The following TMPRSS3 variants were observed in gnomAD, a reference collection of about 807,000 sequenced individuals.
The protein encoded by TMPRSS3 is transmembrane serine protease 3.
TMPRSS3 carries 55 observed loss-of-function variants against 59.6 expected under a neutral mutation model. The ratio of observed to expected loss-of-function variants is 0.92; its 90% CI spans 0.74 to 1.16. The LOEUF (loss-of-function observed/expected upper bound fraction) is 1.16. Ranked by LOEUF, TMPRSS3 falls within the 50% of genes most tolerant of loss-of-function variation. TMPRSS3 has a pLI of 0.00. For missense variants in TMPRSS3, 596 were observed against 579.4 expected, an observed-to-expected ratio of 1.03 and a Z score of -0.29; for synonymous variants, 257 against 237.7, an observed-to-expected ratio of 1.08 and a Z score of -0.75.
rs761325889 is a variant in TMPRSS3 at position 42,375,780 on chromosome 21, A to G, written c.1280T>C (p.Val427Ala). Reference sequence around the variant, plus strand: ...ACGGGTGTACACCCCAGGCTTGTTCACCTCTGCGCAGCCGATGCCAAAGCT... The same window carrying G: ...ACGGGTGTACACCCCAGGCTTGTTCGCCTCTGCGCAGCCGATGCCAAAGCT... Reference protein sequence around the residue: ...ATSFGIGCAEVNKPGVYTRVT... With the variant: ...ATSFGIGCAEANKPGVYTRVT... The change falls in exon 12 of 13, where the codon GTG becomes GCG. Residue 427 changes from valine to alanine, a missense_variant. By Grantham distance (64) the Val-to-Ala change is moderately conservative (BLOSUM62 0). Transcript: ENST00000644384. 1 of 1,613,354 alleles carries G rather than the reference A, an allele frequency of 6.2e-7. No individual in the cohort carries two copies. The highest frequency in any genetic ancestry group is 1.3e-5 in the African/African-American group (1 of 74,886).
chr21:42,380,623 A>G (rs954623540), intron 9 of TMPRSS3, among the ~76,000 whole-genome samples: 7 of 152,252 alleles, frequency 4.6e-5, no homozygotes, highest in African/African-American at 7.2e-5. Context: ...GATGGGGCAG[A>G]CCAGGCTCTC....
At chr21:42,393,015 G>A (rs901600281) in intron 2 of TMPRSS3, among the ~76,000 whole-genome samples, 3 of 152,174 alleles carry the variant, frequency 2.0e-5, no homozygotes, top group Non-Finnish European at 4.4e-5. Flanking sequence ...TGCAAATGGC[G>A]CACAAGTATG....
Position 42,388,429 on chromosome 21 carries a change from A to G in TMPRSS3, c.420T>C (p.Val140=). Residue 140 remains valine, a synonymous_variant, in exon 5 of 13, where the codon GTT becomes GTC. Transcript: ENST00000644384. This position sits in a 1 kb window ranked among gnomAD's most constrained non-coding sequence, Gnocchi z 5.1. ...SDDWKGHYAN[V]ACAQLGFPSY... ...TTGGGAAACCCAGTTGGGCACAGGC[A>G]ACATTTGCGTAGTGACCCTTCCAGT... 1 of 1,614,254 alleles carries G rather than the reference A, an allele frequency of 6.2e-7. No homozygotes were observed. Among genetic ancestry groups the G allele is most frequent in the Non-Finnish European group, 8.5e-7 (1 of 1,180,046 alleles).
chr21:42,377,150 C>G (rs1339977937), intron 10 of TMPRSS3, among the ~76,000 whole-genome samples: 3 of 152,262 alleles, frequency 2.0e-5, no homozygotes, highest in African/African-American at 7.2e-5. Flanking sequence ...TCCCCAGAAC[C>G]TGTGACTGTG....
intron 10 of TMPRSS3, among the ~76,000 whole-genome samples, 192 bp from the exon 11 acceptor site, chr21:42,376,875 G>A (rs2052439661): frequency 6.6e-6 from 1 of 152,216 alleles, no homozygotes; most frequent in Non-Finnish European, 1.5e-5. Flanking sequence ...AGCACCTCAA[G>A]CCCGAGCTTG....
intron 6 of TMPRSS3, among the ~76,000 whole-genome samples, chr21:42,384,970 C>T (rs775201196): frequency 7.1e-6 from 1 of 140,466 alleles, no homozygotes; most frequent in African/African-American, 2.7e-5. Context: ...TAAAATACTT[C>T]GTAAACAAAG....
intron 6 of TMPRSS3, 115 bp downstream of exon 6, chr21:42,385,294 C>T: frequency 6.8e-7 from 1 of 1,467,958 alleles, no homozygotes; most frequent in South Asian, 1.1e-5. Context: ...CTCCCACCTT[C>T]CATCTGAGAT....
rs562415736 is a variant in TMPRSS3, at chr21:42,373,340, C to T, written c.1345-561G>A. Among the ~76,000 whole-genome samples, 9 of 152,344 alleles carry T rather than the reference C, an allele frequency of 5.9e-5. No homozygotes were observed. In the South Asian group the frequency reaches 1.9e-3, roughly 32 times the overall value. On this transcript the variant is annotated intron_variant, in intron 12 of 12. Transcript: ENST00000644384. ...GACTTGGGAAAGGGCGTGTCTGAGG[C>T]TGCGCATCTCTCGCATGCACTGGTG...
chr21:42,382,995 G>A, intron 8 of TMPRSS3, 38 bp downstream of exon 8: 7 of 1,612,886 alleles, frequency 4.3e-6, no homozygotes, highest in Non-Finnish European at 5.9e-6. Context: ...TGACCCAGGA[G>A]TGAACAGGGG....
In TMPRSS3 at chr21:42,388,963, C is replaced by T. The variant is rs769959543; in HGVS notation, c.288G>A (p.Ser96=). The change falls in exon 4 of 13, where the codon TCG becomes TCA. Residue 96 remains serine (S), a synonymous_variant. Coordinates refer to ENST00000644384, the MANE Select transcript of TMPRSS3 (RefSeq NM_001256317.3). This position sits in a 1 kb window ranked among gnomAD's most constrained non-coding sequence, Gnocchi z 5.1. ...ACTCGTCCTCCCCGTCTTTGCAATC[C>T]GAGACTCCGTCACATCGAGCTATCA... The part of the protein sequence containing the change: ...IELIARCDGV[S]DCKDGEDEYR... 5.6e-5 allele frequency: 90 copies of T among 1,614,076 alleles called. No homozygotes were observed. The highest frequency in any genetic ancestry group is 1.6e-4 in the Middle Eastern group (1 of 6,076).
chr21:42,382,146 C>A lies in TMPRSS3; in HGVS notation c.871G>T (p.Val291Phe). ...TTTGGCTTGTACTTGCTGTGGTAGA[C>A]AATCTTCTCCACCAAGTGGGATGGG... ...PAPSHLVEKI[V>F]YHSKYKPKRL... Residue 291 changes from valine to phenylalanine, a missense_variant, in exon 9 of 13, where the codon GTC becomes TTC. Transcript: ENST00000644384. The A allele has an allele frequency of 6.2e-7, 1 of 1,614,184 alleles. No homozygotes were observed. Among genetic ancestry groups the A allele is most frequent in the Non-Finnish European group, 8.5e-7 (1 of 1,180,020 alleles).
At chr21:42,393,659 C>A (rs1451090906) in intron 2 of TMPRSS3, among the ~76,000 whole-genome samples, 1 of 152,110 alleles carries the variant, frequency 6.6e-6, no homozygotes, top group African/African-American at 2.4e-5. Flanking sequence ...ATATAGAAAA[C>A]GGTTGGAGAG....
Position 42,396,050 on chromosome 21 carries a change from C to A in TMPRSS3, c.-160G>T, listed in dbSNP as rs1307290258. 1.3e-5 allele frequency: 7 copies of A among 518,866 alleles called. No homozygotes were observed. Among genetic ancestry groups the A allele is most frequent in the African/African-American group, 7.7e-5 (4 of 51,940 alleles). The allele number at this position is 518,866 out of a possible 1,614,324, so 32.1% of individuals were successfully genotyped here. A position where few individuals can be genotyped will look rare whatever the true frequency, so the allele number is the denominator to read the frequency against. On this transcript the variant is annotated 5_prime_UTR_variant, in exon 1 of 13. Transcript: ENST00000644384. ...CCTTTCCTGGCTCACACGGGCATGA[C>A]CTAATTAAGAACGAAAGTACCCGAG...
chr21:42,388,361 C>A lies in TMPRSS3; in HGVS notation c.446+42G>T. The A allele has an allele frequency of 6.2e-7, 1 of 1,614,098 alleles. No homozygotes were observed. The highest frequency in any genetic ancestry group is 1.3e-5 in the African/African-American group (1 of 75,058). On this transcript the variant is annotated intron_variant, in intron 5 of 12. Transcript: ENST00000644384. The surrounding 1 kb of genome is among the most constrained non-coding windows in gnomAD (Gnocchi z 5.1). ...AGTTGTCTTTCTTTATTGTTATCCTCTCTGTGTTTTGCCCATGGGTTGGAA... is the reference window on the plus strand; with the variant it reads ...AGTTGTCTTTCTTTATTGTTATCCTATCTGTGTTTTGCCCATGGGTTGGAA...
rs148911034 is a variant in TMPRSS3, at chr21:42,394,062, C to T, written c.94+1262G>A. 2.0e-4 allele frequency among the ~76,000 whole-genome samples: 30 copies of T among 152,080 alleles called. No individual in the cohort carries two copies. In the East Asian group the frequency reaches 3.7e-3, roughly 19 times the overall value. The stretch of plus-strand genomic sequence containing the variant: ...TAGGATTATCTCTGAGTAATGATGC[C>T]GTCGTGGGTAATTTTTAAAAATCTT... On this transcript the variant is annotated intron_variant, in intron 2 of 12. Coordinates refer to ENST00000644384, the MANE Select transcript of TMPRSS3 (RefSeq NM_001256317.3).
At chr21:42,383,714 A>G in intron 7 of TMPRSS3, 1 of 687,520 alleles carries the variant, frequency 1.5e-6, no homozygotes, top group Non-Finnish European at 2.7e-6. Context: ...CTTCAGAGTG[A>G]TGGGACATCA....
At chr21:42,389,305 G>A (rs1460083090) in intron 3 of TMPRSS3, among the ~76,000 whole-genome samples, 4 of 152,212 alleles carry the variant, frequency 2.6e-5, no homozygotes, top group Admixed American at 2.6e-4. Context: ...GACTCTGGAG[G>A]TCTCAAGGTC....
In TMPRSS3 at chr21:42,375,600, G is replaced by A. The variant is rs17114791; in HGVS notation, c.1344+116C>T. ...CTGGAGCCACCAAGTCACTGCTGCT[G>A]AATTGACAACCACTGGGTCACGCCC... On this transcript the variant is annotated intron_variant, in intron 12 of 12. Coordinates refer to ENST00000644384, the MANE Select transcript of TMPRSS3 (RefSeq NM_001256317.3). 0.01 allele frequency: 13,914 copies of A among 1,362,302 alleles called. 442 individuals are homozygous for A. In the African/African-American group the frequency reaches 0.1, roughly 10 times the overall value. 84.4% of individuals were successfully genotyped at this position (1,362,302 alleles called of 1,614,324 possible).
chr21:42,380,330 A>G, intron 9 of TMPRSS3, 118 bp from the exon 10 acceptor site: 1 of 832,962 alleles, frequency 1.2e-6, no homozygotes, highest in Non-Finnish European at 2.0e-6. Context: ...AGGAAGGTCA[A>G]GCCCTTGGTT....
Sources: allele counts gnomAD v4.1 joint callset (sites outside exome capture counted in the v4.1 genomes callset), GRCh38; gene constraint gnomAD v4.1.1; non-coding constraint Gnocchi (gnomAD v3.1); transcripts MANE v1.5; gene names NCBI Gene and HGNC (gene_info 2026-07-23, HGNC 2026-07-21).